SNX4: variants seen among roughly 807,000 people sequenced by gnomAD.
SNX4 encodes the protein sorting nexin 4, also known as sorting nexin-4.
In SNX4, 49 loss-of-function variants were observed where a neutral mutation model predicts 70.8. The observed-to-expected ratio is 0.69, with a 90% CI of 0.55 to 0.88. SNX4 has a LOEUF of 0.88. Among genes scored for constraint, SNX4 ranks in the 40% least tolerant of loss-of-function variants. The pLI is 0.00. For synonymous variants in SNX4, 206 were observed against 183.8 expected (o/e 1.12, Z -0.98); for missense variants, 528 against 544.8 (o/e 0.97, Z 0.31).
chr3:125,474,557 C>A (rs1208455473), intron 8 of SNX4, among the ~76,000 whole-genome samples: 1 of 152,150 alleles, frequency 6.6e-6, no homozygotes, highest in Non-Finnish European at 1.5e-5. Context: ...CTCAAGTGAT[C>A]CTCCTTCCTT....
rs770944790 is a variant in SNX4 at position 125,520,056 on chromosome 3, T to C, written c.117A>G (p.Gly39=). The change falls in exon 1 of 14, where the codon GGA becomes GGG. Residue 39 remains glycine, a synonymous_variant. Coordinates refer to ENST00000251775, the MANE Select transcript of SNX4 (RefSeq NM_003794.4). ...AAVGKEAEGA[G]EESSGVDTMT... is the part of the protein sequence containing the mutation. ...CCGTGTCGACCCCAGAGCTCTCTTCTCCGGCCCCCTCCGCTTCCTTGCCGA... is the reference window on the plus strand; with the variant it reads ...CCGTGTCGACCCCAGAGCTCTCTTCCCCGGCCCCCTCCGCTTCCTTGCCGA... 1.4e-5 allele frequency: 21 copies of C among 1,553,440 alleles called. No homozygotes were observed. The African/African-American group carries it at 2.7e-4, about 20-fold the overall frequency.
intron 12 of SNX4, among the ~76,000 whole-genome samples, chr3:125,453,048 C>A (rs1315904665): frequency 1.3e-5 from 2 of 152,070 alleles, no homozygotes; most frequent in Non-Finnish European, 2.9e-5. Flanking sequence ...CAGATGAAAA[C>A]AAAAATAAGA....
At chr3:125,476,324 C>T (rs1346800310) in intron 8 of SNX4, among the ~76,000 whole-genome samples, 1 of 148,032 alleles carries the variant, frequency 6.8e-6, no homozygotes, top group Non-Finnish European at 1.5e-5. Flanking sequence ...GTAATCCCAG[C>T]ACTTTCGGAG....
chr3:125,504,472 A>T, intron 2 of SNX4, 151 bp downstream of exon 2: 1 of 706,904 alleles, frequency 1.4e-6, no homozygotes, highest in Non-Finnish European at 2.3e-6. Flanking sequence ...CAACAGAATG[A>T]GACCCTGTCT....
At chr3:125,458,400 C>T (rs1933780484) in intron 10 of SNX4, among the ~76,000 whole-genome samples, 1 of 152,132 alleles carries the variant, frequency 6.6e-6, no homozygotes, top group Non-Finnish European at 1.5e-5. Flanking sequence ...AACTCATGGG[C>T]TCAAGCAATC....
chr3:125,504,596 T>C (rs1203234440), intron 2 of SNX4, 27 bp downstream of exon 2: 1 of 1,598,900 alleles, frequency 6.3e-7, no homozygotes, highest in South Asian at 1.1e-5. Flanking sequence ...TCTGTCTACC[T>C]GCCCAGGTGT....
chr3:125,465,112 A>C (rs1038815913), intron 9 of SNX4, among the ~76,000 whole-genome samples: 1 of 151,694 alleles, frequency 6.6e-6, no homozygotes, highest in Non-Finnish European at 1.5e-5. Flanking sequence ...AAACTCCTGG[A>C]CTCCAGGGAT....
intron 5 of SNX4, 124 bp from the exon 6 acceptor site, chr3:125,489,587 C>T: frequency 2.8e-6 from 2 of 710,960 alleles, no homozygotes; most frequent in African/African-American, 1.8e-5. Flanking sequence ...TTGTTGTAAA[C>T]ACATTAAACA....
At chr3:125,490,432 G>C (rs1188432926) in intron 5 of SNX4, among the ~76,000 whole-genome samples, 1 of 148,900 alleles carries the variant, frequency 6.7e-6, no homozygotes, top group Non-Finnish European at 1.5e-5. Flanking sequence ...GCTGAGGCAG[G>C]AGAATGGCGT....
intron 8 of SNX4, among the ~76,000 whole-genome samples, chr3:125,474,576 A>G (rs1579986795): frequency 1.3e-5 from 2 of 152,214 alleles, no homozygotes; most frequent in South Asian, 4.1e-4. Flanking sequence ...TTGGCCTCCC[A>G]AAGTGCTAGG....
chr3:125,508,445 T>C (rs1343902474), intron 1 of SNX4, among the ~76,000 whole-genome samples: 1 of 140,636 alleles, frequency 7.1e-6, no homozygotes, highest in African/African-American at 2.5e-5. Context: ...CAGGCGCCTG[T>C]AGTCCCAACC....
Position 125,497,879 on chromosome 3 carries a change from A to T in SNX4, c.504T>A (p.His168Gln). ...AGATTTTGTCTCTACAAAGGATGGG[A>T]TGTGAAGCAATCCTCAAGAGAAAGT... ...LENFLLRIAS[H>Q]PILCRDKIFY... Residue 168 changes from histidine (H) to glutamine (Q), a missense_variant, in exon 4 of 14, where the codon CAT becomes CAA. By Grantham distance (24) the His-to-Gln change is conservative. Transcript: ENST00000251775. 1.9e-6 allele frequency: 3 copies of T among 1,614,074 alleles called. No homozygotes were observed. Among genetic ancestry groups the T allele is most frequent in the Non-Finnish European group, 1.7e-6 (2 of 1,179,914 alleles).
chr3:125,502,146 A>G (rs1934942500), intron 2 of SNX4, among the ~76,000 whole-genome samples: 1 of 152,222 alleles, frequency 6.6e-6, no homozygotes, highest in African/African-American at 2.4e-5. Context: ...TTTCTAAAGT[A>G]TTATTTTTAA....
chr3:125,476,940 T>A (rs1934302515), intron 7 of SNX4, among the ~76,000 whole-genome samples, 184 bp from the exon 8 acceptor site: 1 of 152,244 alleles, frequency 6.6e-6, no homozygotes, highest in Non-Finnish European at 1.5e-5. Context: ...ATATTTATCA[T>A]ATCTTATACT....
chr3:125,471,344 CAAAAAAAAAAAAAA>C (rs767432586), intron 8 of SNX4, among the ~76,000 whole-genome samples: 8,081 of 28,302 alleles, frequency 0.29, 498 homozygotes, highest in Admixed American at 0.39. Context: ...AGCTCCATCT[CAAAAAAAAAAAAAA>C]AAAAAAAAAA....
chr3:125,455,984 C>T (rs1353672379), intron 11 of SNX4, among the ~76,000 whole-genome samples: 1 of 152,132 alleles, frequency 6.6e-6, no homozygotes, highest in Non-Finnish European at 1.5e-5. Context: ...ACCTGGGCAA[C>T]AGAGCGAAAC....
Position 125,458,588 on chromosome 3 carries a change from G to A in SNX4, c.945-1223C>T, listed in dbSNP as rs1032057610. ...TCCCAGCACTTTGGGAGGCCGAGGC[G>A]GGTGGATCACGAGGTCAGGAGATTG... is the stretch of plus-strand genomic sequence containing the variant. On this transcript the variant is annotated intron_variant, in intron 10 of 13. Transcript: ENST00000251775. Among the ~76,000 whole-genome samples, 42 of 151,742 alleles carry A rather than the reference G, an allele frequency of 2.8e-4. 1 individual carries two copies. The highest frequency in any genetic ancestry group is 8.9e-4 in the African/African-American group (37 of 41,390).
intron 13 of SNX4, among the ~76,000 whole-genome samples, chr3:125,449,945 T>C (rs904440979): frequency 1.3e-5 from 2 of 152,144 alleles, no homozygotes; most frequent in African/African-American, 4.8e-5. Context: ...AAAAGTTAGA[T>C]TGGAAAAAGG....
chr3:125,504,041 T>C (rs1934987394), intron 2 of SNX4, among the ~76,000 whole-genome samples: 1 of 151,180 alleles, frequency 6.6e-6, no homozygotes, highest in Admixed American at 6.6e-5. Flanking sequence ...TACAAAAAAT[T>C]TTAAAACTGC....
Sources: gnomAD v4.1 joint callset for allele counts (sites outside exome capture counted in the v4.1 genomes callset) on GRCh38, gnomAD v4.1.1 for gene constraint, MANE v1.5 for transcripts, NCBI Gene and HGNC (gene_info 2026-07-23, HGNC 2026-07-21) for gene names.